Variants in PPIP5K2 observed in about 807,000 individuals in gnomAD.
PPIP5K2 encodes the protein inositol hexakisphosphate and diphosphoinositol-pentakisphosphate kinase 2.
A neutral mutation model predicts 154.6 loss-of-function variants in PPIP5K2; 105 were observed. That is an observed-to-expected ratio of 0.68 (90% CI 0.58 to 0.80). The LOEUF (loss-of-function observed/expected upper bound fraction) is 0.80. Ranked by LOEUF, PPIP5K2 falls within the 30% of genes least tolerant of loss-of-function variation. The probability of loss-of-function intolerance (pLI) is 0.00; values close to 1 mark genes in which losing one functional copy is unlikely to be tolerated. For missense variants in PPIP5K2, 992 were observed against 1,504.6 expected, an observed-to-expected ratio of 0.66 and a Z score of 5.64; for synonymous variants, 480 against 490.3, an observed-to-expected ratio of 0.98 and a Z score of 0.28.
At chr5:103,195,130 C>G in intron 30 of PPIP5K2, 105 bp downstream of exon 30, 3 of 1,374,064 alleles carry the variant, frequency 2.2e-6, no homozygotes, top group Non-Finnish European at 3.0e-6. Context: ...CTTTGCACTT[C>G]CCTAGAGCGT....
In PPIP5K2 at chr5:103,206,506, G is replaced by A. The variant is rs1195549230; in HGVS notation, c.*4872G>A. On this transcript the variant is annotated 3_prime_UTR_variant, in exon 31 of 31. Coordinates refer to ENST00000358359, the MANE Select transcript of PPIP5K2 (RefSeq NM_001276277.3). ...TGACCTTACTGACCCTAGAGCAGAT[G>A]ATGGAGTCAGTTTTTCCGAAAAGCC... 2 of 152,146 alleles carry A rather than the reference G, an allele frequency of 1.3e-5. No homozygotes were observed. The highest frequency in any genetic ancestry group is 2.1e-4 in the South Asian group (1 of 4,820). The allele number at this position is 152,146 out of a possible 1,614,324, so 9.4% of individuals were successfully genotyped here. A position where few individuals can be genotyped will look rare whatever the true frequency, so the allele number is the denominator to read the frequency against.
At chr5:103,184,480 T>C (rs1800044755) in intron 25 of PPIP5K2, 192 bp from the exon 26 acceptor site, 2 of 491,946 alleles carry the variant, frequency 4.1e-6, no homozygotes, top group Non-Finnish European at 7.3e-6. Context: ...CACCACTTCA[T>C]TGCAAGGACC....
chr5:103,147,736 T>C (rs1554209675), intron 6 of PPIP5K2, among the ~76,000 whole-genome samples, 195 bp from the exon 7 acceptor site: 1 of 151,966 alleles, frequency 6.6e-6, no homozygotes, highest in African/African-American at 2.4e-5. Context: ...TTCTCTAATA[T>C]ATAAGTTATG....
At chr5:103,135,485 G>A (rs782558611) in intron 3 of PPIP5K2, among the ~76,000 whole-genome samples, 1 of 152,134 alleles carries the variant, frequency 6.6e-6, no homozygotes, top group Admixed American at 6.5e-5. Context: ...AGGCTGGAGT[G>A]CAGTGGTATA....
chr5:103,201,031 T>G (rs1802898805), intron 30 of PPIP5K2, among the ~76,000 whole-genome samples: 1 of 152,216 alleles, frequency 6.6e-6, no homozygotes, highest in Non-Finnish European at 1.5e-5. Context: ...TTTTCTTACC[T>G]TCTAGCTTTT....
chr5:103,180,521 T>A (rs1799348853), intron 24 of PPIP5K2, among the ~76,000 whole-genome samples: 2 of 152,060 alleles, frequency 1.3e-5, no homozygotes, highest in Admixed American at 1.3e-4. Flanking sequence ...TGAATTTTTT[T>A]TAAAAGCCTG....
rs929675767 is a variant in PPIP5K2 at position 103,206,975 on chromosome 5, A to G, written c.*5341A>G. The G allele has an allele frequency of 2.0e-5, 3 of 152,284 alleles. No individual in the cohort carries two copies. Among genetic ancestry groups the G allele is most frequent in the Admixed American group, 6.5e-5 (1 of 15,282 alleles). 9.4% of individuals were successfully genotyped at this position (152,284 alleles called of 1,614,324 possible). ...TCTCAGTCAAGGCCCACCAATAGCG[A>G]GGTCTCTGTGGAGGCACCTGAAAAG... On this transcript the variant is annotated 3_prime_UTR_variant, in exon 31 of 31. Transcript: ENST00000358359.
intron 11 of PPIP5K2, 82 bp downstream of exon 11, chr5:103,154,016 A>C (rs1367274326): frequency 9.7e-7 from 1 of 1,033,254 alleles, no homozygotes; most frequent in African/African-American, 1.7e-5. Flanking sequence ...TGATTAATAC[A>C]TCATATAGAA....
intron 2 of PPIP5K2, among the ~76,000 whole-genome samples, chr5:103,132,859 T>A (rs1790864003): frequency 6.6e-6 from 1 of 152,212 alleles, no homozygotes; most frequent in Non-Finnish European, 1.5e-5. Flanking sequence ...TTTGAGCTGT[T>A]ACGAGGATGC....
chr5:103,163,220 TTCAA>T (rs1796633234), intron 17 of PPIP5K2, among the ~76,000 whole-genome samples: 1 of 151,894 alleles, frequency 6.6e-6, no homozygotes, highest in Admixed American at 6.6e-5. Context: ...TCTCTAGTCT[TTCAA>T]TCTGTGAATG....
chr5:103,156,143 TTTC>T (rs1259716891), intron 14 of PPIP5K2, 149 bp downstream of exon 14: 2 of 559,758 alleles, frequency 3.6e-6, no homozygotes, highest in Admixed American at 3.5e-5. Context: ...TGTGCTTCCT[TTTC>T]TTTAAATAAA....
At chr5:103,164,395 C>T (rs1393766330) in intron 17 of PPIP5K2, among the ~76,000 whole-genome samples, 1 of 151,918 alleles carries the variant, frequency 6.6e-6, no homozygotes, top group Non-Finnish European at 1.5e-5. Flanking sequence ...TTCTACCTCT[C>T]TAGTTTTATT....
intron 14 of PPIP5K2, 151 bp from the exon 15 acceptor site, chr5:103,158,036 AG>A: frequency 1.3e-6 from 1 of 774,086 alleles, no homozygotes. Context: ...AACGGCATTA[AG>A]GAACATACAT....
intron 14 of PPIP5K2, among the ~76,000 whole-genome samples, chr5:103,157,603 C>T (rs1299526981): frequency 6.6e-6 from 1 of 151,988 alleles, no homozygotes; most frequent in East Asian, 1.9e-4. Context: ...CATGGTGAAA[C>T]CCCGTCTCTA....
At position 103,147,891 on chromosome 5, in the gene PPIP5K2, A is replaced by C. The variant is rs782456401; in HGVS notation, c.643-40A>C. On this transcript the variant is annotated intron_variant, in intron 6 of 30. Coordinates refer to ENST00000358359, the MANE Select transcript of PPIP5K2 (RefSeq NM_001276277.3). ...ATTTTATCATAAAAATGAGGGAAAT[A>C]ATTTGCTTTTTTATATCGATGGACA... 9 of 1,183,062 alleles carry C rather than the reference A, an allele frequency of 7.6e-6. No individual in the cohort carries two copies. In the Admixed American group the frequency reaches 1.9e-4, roughly 25 times the overall value. The allele number at this position is 1,183,062 out of a possible 1,614,324, so 73.3% of individuals were successfully genotyped here.
Position 103,190,831 on chromosome 5 carries a change from T to G in PPIP5K2, c.3353-11T>G. The G allele has an allele frequency of 1.3e-6, 2 of 1,557,714 alleles. No individual in the cohort carries two copies. The highest frequency in any genetic ancestry group is 1.7e-6 in the Non-Finnish European group (2 of 1,158,842). On this transcript the variant is annotated splice_polypyrimidine_tract_variant and intron_variant, in intron 28 of 30. Coordinates refer to ENST00000358359, the MANE Select transcript of PPIP5K2 (RefSeq NM_001276277.3). ...CTTTTATTTTTTGTTTTTGGTTTTT[T>G]TCTCTTCTAGGCTTTGAATTGTATT... is the stretch of plus-strand genomic sequence containing the variant.
rs1014620856 is a variant in PPIP5K2 at position 103,202,820 on chromosome 5, A to C, written c.*1186A>C. On this transcript the variant is annotated 3_prime_UTR_variant, in exon 31 of 31. Transcript: ENST00000358359. ...AAGAATTTCATGCATTGGTAGTTAA[A>C]TAACTTAAATTGCTAAAGCTTTAGC... 2.0e-5 allele frequency: 3 copies of C among 152,160 alleles called. No individual in the cohort carries two copies. Among genetic ancestry groups the C allele is most frequent in the Non-Finnish European group, 2.9e-5 (2 of 68,004 alleles). 9.4% of individuals were successfully genotyped at this position (152,160 alleles called of 1,614,324 possible). A position where few individuals can be genotyped will look rare whatever the true frequency, so the allele number is the denominator to read the frequency against.
intron 6 of PPIP5K2, 68 bp downstream of exon 6, chr5:103,146,749 C>A: frequency 7.6e-7 from 1 of 1,323,602 alleles, no homozygotes; most frequent in South Asian, 1.5e-5. Context: ...TAAAAGCAAT[C>A]AAGCATTTAA....
At chr5:103,148,980 A>G (rs1229877493) in intron 7 of PPIP5K2, among the ~76,000 whole-genome samples, 172 bp from the exon 8 acceptor site, 2 of 152,160 alleles carry the variant, frequency 1.3e-5, no homozygotes, top group African/African-American at 2.4e-5. Flanking sequence ...ATTACTTACA[A>G]CCTTTCCCAA....
Sources: allele counts gnomAD v4.1 joint callset (sites outside exome capture counted in the v4.1 genomes callset), GRCh38; gene constraint gnomAD v4.1.1; transcripts MANE v1.5; gene names NCBI Gene and HGNC (gene_info 2026-07-23, HGNC 2026-07-21).